Variants in SVOP observed in about 807,000 individuals in gnomAD.
The protein encoded by SVOP is SV2 related protein, also known as synaptic vesicle 2-related protein.
A neutral mutation model predicts 69.1 loss-of-function variants in SVOP; 17 were observed. That is an observed-to-expected ratio of 0.25 (90% confidence interval 0.17 to 0.37). The LOEUF is 0.37. SVOP is among the 10% of genes least tolerant of loss of function. The pLI is 1.00. For missense variants in SVOP, 435 were observed against 597.5 expected (o/e 0.73, Z 2.84); for synonymous variants, 238 against 238.6 (o/e 1.00, Z 0.02).
At chr12:108,993,786 C>T (rs1343692595) in intron 1 of SVOP, among the ~76,000 whole-genome samples, 3 of 151,966 alleles carry the variant, frequency 2.0e-5, no homozygotes, top group African/African-American at 7.3e-5. Flanking sequence ...AAAGAAGCAA[C>T]CCCAAAATCA....
chr12:108,975,772 G>A (rs2040103092), intron 4 of SVOP, among the ~76,000 whole-genome samples: 1 of 152,116 alleles, frequency 6.6e-6, no homozygotes, highest in Admixed American at 6.5e-5. Flanking sequence ...TGAAATCTCG[G>A]CTCTCTGCAA....
At position 108,918,002 on chromosome 12, in the gene SVOP, C is replaced by T. The variant is rs368306649; in HGVS notation, c.1350+41G>A. ...AGCATCCCCCACAGCCACTCTCCCC[C>T]CACTGCCCGTTCCCCAGCAGCTCCC... is the stretch of plus-strand genomic sequence containing the variant. On this transcript the variant is annotated intron_variant, in intron 14 of 15. Coordinates refer to ENST00000610966, the MANE Select transcript of SVOP (RefSeq NM_018711.5). 1.0e-5 allele frequency: 15 copies of T among 1,488,194 alleles called. No homozygotes were observed. The Admixed American group carries it at 1.3e-4, about 13-fold the overall frequency. The allele number at this position is 1,488,194 out of a possible 1,614,324, so 92.2% of individuals were successfully genotyped here. A position where few individuals can be genotyped will look rare whatever the true frequency, so the allele number is the denominator to read the frequency against.
Position 108,940,928 on chromosome 12 carries a change from G to C in SVOP, c.643-19C>G, listed in dbSNP as rs564414422. The C allele has an allele frequency of 3.9e-6, 6 of 1,535,222 alleles. No individual in the cohort carries two copies. Among genetic ancestry groups the C allele is most frequent in the Non-Finnish European group, 5.2e-6 (6 of 1,145,518 alleles). On this transcript the variant is annotated intron_variant, in intron 7 of 15. Coordinates refer to ENST00000610966, the MANE Select transcript of SVOP (RefSeq NM_018711.5). The stretch of plus-strand genomic sequence containing the variant: ...AGAATACCTGGCACAGGAGAATCAG[G>C]GTCAGTGGTGGGGGTAGCATGGTCC...
Position 108,937,254 on chromosome 12 carries a change from C to G in SVOP, c.971+10G>C, listed in dbSNP as rs961531019. ...GAAAGGGGTCAAAGTGGTCAACAAA[C>G]AGCTCTTACCATATAAACCACAGCA... On this transcript the variant is annotated intron_variant, in intron 10 of 15. Transcript: ENST00000610966. The G allele has an allele frequency of 9.3e-6, 15 of 1,613,768 alleles. No individual in the cohort carries two copies. The highest frequency in any genetic ancestry group is 1.3e-5 in the Non-Finnish European group (15 of 1,179,810).
At chr12:108,952,128 C>T (rs949406211) in intron 6 of SVOP, among the ~76,000 whole-genome samples, 8 of 151,860 alleles carry the variant, frequency 5.3e-5, no homozygotes, top group African/African-American at 1.7e-4. Flanking sequence ...TGCCTCACTG[C>T]AGAATCATGA....
At chr12:108,915,762 G>A (rs1566046103) in intron 15 of SVOP, 21 bp downstream of exon 15, 1 of 1,589,148 alleles carries the variant, frequency 6.3e-7, no homozygotes, top group South Asian at 1.1e-5. Flanking sequence ...CCATCCCTCT[G>A]TATTTGGGGG....
At chr12:108,930,655 G>A (rs543604070) in intron 11 of SVOP, among the ~76,000 whole-genome samples, 32 of 152,258 alleles carry the variant, frequency 2.1e-4, no homozygotes, top group African/African-American at 7.5e-4. Flanking sequence ...GGCTGGTCCT[G>A]AACTCCTGAC....
intron 6 of SVOP, among the ~76,000 whole-genome samples, chr12:108,951,345 T>C (rs1224821109): frequency 6.6e-6 from 1 of 152,184 alleles, no homozygotes; most frequent in East Asian, 1.9e-4. Flanking sequence ...AAAAAACACA[T>C]GGGCCCAGTG....
Position 108,958,541 on chromosome 12 carries a change from C to T in SVOP, c.578+2382G>A, listed in dbSNP as rs578190143. 1.5e-4 allele frequency among the ~76,000 whole-genome samples: 23 copies of T among 152,142 alleles called. 1 individual carries two copies. The South Asian group carries it at 4.4e-3, about 29-fold the overall frequency. On this transcript the variant is annotated intron_variant, in intron 6 of 15. Transcript: ENST00000610966. ...TGATGTTTGCACGGTGACAAAATCACCTATTGATGCATTTTTGGAACACAT... is the reference window on the plus strand; with the variant it reads ...TGATGTTTGCACGGTGACAAAATCATCTATTGATGCATTTTTGGAACACAT...
intron 1 of SVOP, among the ~76,000 whole-genome samples, chr12:109,013,375 A>T (rs772995672): frequency 2.0e-5 from 3 of 152,060 alleles, no homozygotes; most frequent in African/African-American, 4.8e-5. Flanking sequence ...ACATAACATC[A>T]AACTTACCGT....
At chr12:108,971,167 G>A (rs1213961603) in intron 5 of SVOP, among the ~76,000 whole-genome samples, 1 of 152,024 alleles carries the variant, frequency 6.6e-6, no homozygotes, top group African/African-American at 2.4e-5. Flanking sequence ...AGTGGCTCAT[G>A]CCTGTAATCT....
intron 1 of SVOP, among the ~76,000 whole-genome samples, chr12:108,995,915 T>G (rs1314328893): frequency 6.9e-6 from 1 of 145,016 alleles, no homozygotes; most frequent in Non-Finnish European, 1.5e-5. Context: ...AAAAAAAAAA[T>G]GTCAATGGTA....
chr12:108,987,722 T>G (rs771786892), intron 1 of SVOP, among the ~76,000 whole-genome samples: 35 of 152,230 alleles, frequency 2.3e-4, no homozygotes, highest in Non-Finnish European at 5.0e-4. Context: ...TATTGGCCCT[T>G]TGTACATCTT....
intron 3 of SVOP, 55 bp from the exon 4 acceptor site, chr12:108,977,551 G>T: frequency 5.6e-6 from 7 of 1,244,670 alleles, no homozygotes; most frequent in Non-Finnish European, 7.9e-6. Flanking sequence ...TGCTGGGGAA[G>T]GCTGGCCAAG....
At chr12:109,009,228 C>G (rs1037364973) in intron 1 of SVOP, among the ~76,000 whole-genome samples, 6 of 151,926 alleles carry the variant, frequency 3.9e-5, no homozygotes, top group African/African-American at 1.2e-4. Context: ...TCCCAAAGAG[C>G]TGGGATTACA....
intron 6 of SVOP, among the ~76,000 whole-genome samples, chr12:108,946,255 C>A (rs903438070): frequency 6.7e-6 from 1 of 149,966 alleles, no homozygotes; most frequent in African/African-American, 2.4e-5. Context: ...CACCACCACG[C>A]CTGGCCAATT....
rs569433597 is a variant in SVOP, at chr12:108,908,481, C to T, written c.*4054G>A. 62 of 152,294 alleles carry T rather than the reference C, an allele frequency of 4.1e-4. No individual in the cohort carries two copies. Among genetic ancestry groups the T allele is most frequent in the African/African-American group, 1.4e-3 (60 of 41,548 alleles). The allele number at this position is 152,294 out of a possible 1,614,324, so 9.4% of individuals were successfully genotyped here. Reference sequence around the variant, plus strand: ...ACTCCTCTTTTGAACATTGTAAGATCTGGTCACACTGGACCCATGGTGGAA... The same window carrying T: ...ACTCCTCTTTTGAACATTGTAAGATTTGGTCACACTGGACCCATGGTGGAA... On this transcript the variant is annotated 3_prime_UTR_variant, in exon 16 of 16. Coordinates refer to ENST00000610966, the MANE Select transcript of SVOP (RefSeq NM_018711.5).
At chr12:108,945,674 A>G (rs1240739129) in intron 6 of SVOP, among the ~76,000 whole-genome samples, 1 of 152,204 alleles carries the variant, frequency 6.6e-6, no homozygotes, top group Admixed American at 6.5e-5. Flanking sequence ...GATGTGAGGC[A>G]CCATGCCCGG....
intron 11 of SVOP, among the ~76,000 whole-genome samples, chr12:108,932,056 A>G (rs997606106): frequency 1.3e-5 from 2 of 152,064 alleles, no homozygotes; most frequent in Non-Finnish European, 2.9e-5. Context: ...GCTCTCACCC[A>G]GGCTGGATTG....
Sources: allele counts gnomAD v4.1 joint callset (sites outside exome capture counted in the v4.1 genomes callset), GRCh38; gene constraint gnomAD v4.1.1; transcripts MANE v1.5; gene names NCBI Gene and HGNC (gene_info 2026-07-23, HGNC 2026-07-21).